TULP4: variants seen among roughly 807,000 people sequenced by gnomAD.
TULP4 encodes TUB like protein 4, also known as tubby-related protein 4.
A neutral mutation model predicts 129.0 loss-of-function variants in TULP4; 16 were observed. That is an observed-to-expected ratio of 0.12 (90% CI 0.08 to 0.19). The LOEUF is 0.19. Among genes scored for constraint, TULP4 ranks in the 10% least tolerant of loss-of-function variants. The pLI, the probability that TULP4 is intolerant of heterozygous loss-of-function variation, is 1.00. For synonymous variants in TULP4, 998 were observed against 854.0 expected, an observed-to-expected ratio of 1.17 and a Z score of -2.94; for missense variants, 1,842 against 2,059.1, an observed-to-expected ratio of 0.89 and a Z score of 2.04.
chr6:158,288,549 G>T (rs773118539), intron 1 of TULP4, among the ~76,000 whole-genome samples: 2 of 151,574 alleles, frequency 1.3e-5, no homozygotes. Context: ...CGCCCAGGCC[G>T]GAGTGCAGTG....
At chr6:158,453,376 C>T (rs1049226057) in intron 5 of TULP4, among the ~76,000 whole-genome samples, 28 of 147,352 alleles carry the variant, frequency 1.9e-4, no homozygotes, top group Non-Finnish European at 2.2e-4. Flanking sequence ...CCCAGCTACT[C>T]GGGAGGCTGA....
upstream of TULP4, among the ~76,000 whole-genome samples, chr6:158,308,906 C>A (rs1385609765): frequency 8.5e-5 from 12 of 141,802 alleles, no homozygotes; most frequent in African/African-American, 2.9e-4. Flanking sequence ...ACCTCCCTCC[C>A]GGACGGGGCG....
At chr6:158,325,694 G>C (rs1779731216) in intron 1 of TULP4, among the ~76,000 whole-genome samples, 1 of 152,070 alleles carries the variant, frequency 6.6e-6, no homozygotes, top group African/African-American at 2.4e-5. Flanking sequence ...TTCTTATTTT[G>C]AATAAGGAAC....
At chr6:158,274,219 C>T (rs1778600164) in intron 1 of TULP4, among the ~76,000 whole-genome samples, 1 of 152,004 alleles carries the variant, frequency 6.6e-6, no homozygotes, top group South Asian at 2.1e-4. Flanking sequence ...GATCACACCA[C>T]AGCACTCCAG....
At position 158,495,580 on chromosome 6, in the gene TULP4, C is replaced by T. The variant is rs1017182989; in HGVS notation, c.1870+734C>T. ...AGCTAAGGCTGAGTGCAGTGGCTCA[C>T]GCCTGTAATCCCAGCACTTTGGGAA... On this transcript the variant is annotated intron_variant, in intron 11 of 13. Transcript: ENST00000367097. 5.9e-5 allele frequency among the ~76,000 whole-genome samples: 9 copies of T among 152,250 alleles called. No homozygotes were observed. The East Asian group carries it at 1.2e-3, about 20-fold the overall frequency.
chr6:158,395,479 G>T (rs1777688540), intron 1 of TULP4, among the ~76,000 whole-genome samples: 1 of 151,930 alleles, frequency 6.6e-6, no homozygotes, highest in Non-Finnish European at 1.5e-5. Context: ...TACTCAGGAG[G>T]CTGAGGCAGG....
intron 10 of TULP4, among the ~76,000 whole-genome samples, chr6:158,494,363 AAATTT>A (rs767147122): frequency 1.6e-4 from 24 of 152,252 alleles, no homozygotes; most frequent in Non-Finnish European, 3.4e-4. Context: ...AAATTTTTAA[AAATTT>A]AATTGAATGA....
intron 1 of TULP4, among the ~76,000 whole-genome samples, chr6:158,257,723 T>C (rs1778275184): frequency 6.6e-6 from 1 of 152,248 alleles, no homozygotes; most frequent in South Asian, 2.1e-4. Context: ...CTGGGGAAGC[T>C]GTACCCTCCA....
intron 1 of TULP4, among the ~76,000 whole-genome samples, chr6:158,340,025 C>T (rs575362487): frequency 6.6e-6 from 1 of 152,310 alleles, no homozygotes; most frequent in African/African-American, 2.4e-5. Context: ...CCGCAACAGG[C>T]CGTGGAGCTC....
chr6:158,331,742 T>TCC (rs1779891229), intron 1 of TULP4, among the ~76,000 whole-genome samples: 1 of 11,348 alleles, frequency 8.8e-5, no homozygotes, highest in Non-Finnish European at 1.9e-4. Context: ...CGTATATATA[T>TCC]ACGTGTATAT....
intron 7 of TULP4, among the ~76,000 whole-genome samples, chr6:158,480,562 T>C (rs1352523302): frequency 6.6e-6 from 1 of 152,258 alleles, no homozygotes; most frequent in African/African-American, 2.4e-5. Flanking sequence ...GCTGTTCAAG[T>C]GTGGGTCCCC....
intron 1 of TULP4, among the ~76,000 whole-genome samples, chr6:158,276,999 G>T (rs1583697727): frequency 6.6e-6 from 1 of 152,114 alleles, no homozygotes; most frequent in Middle Eastern, 3.4e-3. Flanking sequence ...AAGTGCAGTG[G>T]TGCAATCATG....
intron 1 of TULP4, among the ~76,000 whole-genome samples, chr6:158,346,498 G>A (rs933225602): frequency 7.9e-5 from 12 of 152,120 alleles, no homozygotes; most frequent in African/African-American, 2.7e-4. Flanking sequence ...GGTGTGACTC[G>A]ATTTATTTTG....
chr6:158,405,385 C>T (rs1777955554), intron 1 of TULP4, among the ~76,000 whole-genome samples: 1 of 152,052 alleles, frequency 6.6e-6, no homozygotes, highest in Admixed American at 6.6e-5. Flanking sequence ...AGGGGGCCAT[C>T]GCTAGTGTGT....
At chr6:158,319,625 T>C (rs1326285762) in intron 1 of TULP4, among the ~76,000 whole-genome samples, 2 of 152,220 alleles carry the variant, frequency 1.3e-5, no homozygotes, top group African/African-American at 4.8e-5. Flanking sequence ...GATAATTTAT[T>C]TCACCCTCAG....
At chr6:158,382,945 T>C (rs1460657791) in intron 1 of TULP4, among the ~76,000 whole-genome samples, 1 of 152,096 alleles carries the variant, frequency 6.6e-6, no homozygotes, top group Admixed American at 6.5e-5. Context: ...TCTTGGAAAG[T>C]CGAAAAGGAG....
Position 158,502,838 on chromosome 6 carries a change from G to C in TULP4, c.3175G>C (p.Ala1059Pro). ...AGCCTCCCTGGCCCATACCGCCAGC[G>C]CCTCCCCGTTGGCCTCCCAGTCCTC... is the stretch of plus-strand genomic sequence containing the variant. Reference protein sequence around the residue: ...PGASLAHTASASPLASQSSYS... With the variant: ...PGASLAHTASPSPLASQSSYS... Residue 1059 changes from alanine (A) to proline (P), a missense_variant, in exon 13 of 14, where the codon GCC (alanine) becomes CCC (proline). Physicochemically the swap from Ala to Pro is conservative, Grantham distance 27 (BLOSUM62 -1). This residue lies in a region of TULP4 where 1,089 missense variants were observed against 987.1 expected (regional missense o/e 1.10). Transcript: ENST00000367097. 1.9e-6 allele frequency: 3 copies of C among 1,613,230 alleles called. No homozygotes were observed. Among genetic ancestry groups the C allele is most frequent in the Non-Finnish European group, 2.5e-6 (3 of 1,179,922 alleles).
At chr6:158,436,146 A>C (rs529785506) in intron 3 of TULP4, among the ~76,000 whole-genome samples, 1 of 152,132 alleles carries the variant, frequency 6.6e-6, no homozygotes, top group African/African-American at 2.4e-5. Flanking sequence ...ACCTCAAGTG[A>C]TCTGCCTGCC....
intron 1 of TULP4, among the ~76,000 whole-genome samples, chr6:158,391,792 A>G (rs1777589842): frequency 1.3e-5 from 2 of 152,054 alleles, no homozygotes; most frequent in South Asian, 4.2e-4. Context: ...TTGTGTTGTT[A>G]TTGTCATTCA....
Sources: allele counts gnomAD v4.1 joint callset (sites outside exome capture counted in the v4.1 genomes callset), GRCh38; gene constraint gnomAD v4.1.1; regional missense constraint gnomAD v4.1.1; transcripts MANE v1.5; gene names NCBI Gene and HGNC (gene_info 2026-07-23, HGNC 2026-07-21).